SAMD12: variants seen among roughly 807,000 people sequenced by gnomAD.
SAMD12 encodes sterile alpha motif domain containing 12, also known as sterile alpha motif domain-containing protein 12.
A neutral mutation model predicts 15.0 loss-of-function variants in SAMD12; 9 were observed. That is an observed-to-expected ratio of 0.60 (90% CI 0.36 to 1.05). SAMD12 has a LOEUF of 1.05. Among genes scored for constraint, SAMD12 ranks in the 50% least tolerant of loss-of-function variants. The probability of loss-of-function intolerance (pLI) is 0.01; values close to 1 mark genes in which losing one functional copy is unlikely to be tolerated. For missense variants in SAMD12, 230 were observed against 234.2 expected (o/e 0.98, Z 0.12); for synonymous variants, 86 against 90.1 (o/e 0.96, Z 0.25).
chr8:118,468,527 A>G (rs1482901302), intron 2 of SAMD12, among the ~76,000 whole-genome samples: 19 of 152,114 alleles, frequency 1.2e-4, no homozygotes, highest in Non-Finnish European at 4.4e-5. Flanking sequence ...GCAATGTTCT[A>G]TTTTTAATAT....
chr8:118,291,931 G>C (rs1001859904), intron 4 of SAMD12, among the ~76,000 whole-genome samples: 11 of 151,152 alleles, frequency 7.3e-5, no homozygotes, highest in Non-Finnish European at 1.6e-4. Flanking sequence ...GCATGCTCCT[G>C]TTTCACCTGG....
At chr8:118,534,401 G>T (rs1427743869) in intron 2 of SAMD12, among the ~76,000 whole-genome samples, 3 of 152,094 alleles carry the variant, frequency 2.0e-5, no homozygotes, top group African/African-American at 7.2e-5. Flanking sequence ...CAACTTTGGT[G>T]AATCTGACAA....
chr8:118,450,371 G>A (rs1389523401), intron 2 of SAMD12, among the ~76,000 whole-genome samples: 1 of 152,172 alleles, frequency 6.6e-6, no homozygotes, highest in Non-Finnish European at 1.5e-5. Context: ...AATATGGAGG[G>A]AGAGGATCAC....
intron 2 of SAMD12, among the ~76,000 whole-genome samples, chr8:118,487,350 T>G (rs1356503518): frequency 6.6e-6 from 1 of 152,170 alleles, no homozygotes; most frequent in African/African-American, 2.4e-5. Context: ...ACACTAAGTT[T>G]AATGAATAAG....
At chr8:118,297,241 G>A (rs187405704) in intron 4 of SAMD12, among the ~76,000 whole-genome samples, 1 of 152,256 alleles carries the variant, frequency 6.6e-6, no homozygotes, top group Non-Finnish European at 1.5e-5. Flanking sequence ...CTTTTTGACA[G>A]TTGATTTCAT....
At chr8:118,599,965 A>C (rs2131296706) in intron 1 of SAMD12, among the ~76,000 whole-genome samples, 1 of 152,278 alleles carries the variant, frequency 6.6e-6, no homozygotes. Context: ...CTACTCGTAG[A>C]TCTCTCAGGT....
intron 1 of SAMD12, among the ~76,000 whole-genome samples, chr8:118,602,292 T>C (rs1827881782): frequency 6.6e-6 from 1 of 152,252 alleles, no homozygotes; most frequent in African/African-American, 2.4e-5. Context: ...TTGGGCTTTC[T>C]TCTACTTCCT....
intron 2 of SAMD12, among the ~76,000 whole-genome samples, chr8:118,518,939 C>CT (rs1389380722): frequency 6.6e-6 from 1 of 152,086 alleles, no homozygotes; most frequent in Non-Finnish European, 1.5e-5. Context: ...GTATGAGCTC[C>CT]TAAAAGAGAA....
chr8:118,363,303 T>C (rs2130646091), intron 4 of SAMD12, among the ~76,000 whole-genome samples: 1 of 152,180 alleles, frequency 6.6e-6, no homozygotes, highest in South Asian at 2.1e-4. Context: ...TGTGAGGGTG[T>C]TTATGGATGA....
chr8:118,272,191 A>T (rs1250199030), intron 4 of SAMD12, among the ~76,000 whole-genome samples: 1 of 152,172 alleles, frequency 6.6e-6, no homozygotes, highest in African/African-American at 2.4e-5. Flanking sequence ...TTAATTCTTG[A>T]TCTCTGTGTA....
rs559166306 is a variant in SAMD12 at position 118,441,869 on chromosome 8, C to G, written c.193-1908G>C. Among the ~76,000 whole-genome samples the G allele has an allele frequency of 3.3e-5, 5 of 152,256 alleles. No individual in the cohort carries two copies. In the East Asian group the frequency reaches 9.6e-4, roughly 29 times the overall value. ...CTGGCACTGACCTTTGGAAACCAAC[C>G]ACCATGTTGTGAGGAAGCCCAGGTC... On this transcript the variant is annotated intron_variant, in intron 2 of 3. Coordinates refer to ENST00000314727, the MANE Select transcript of SAMD12 (RefSeq NM_207506.3).
intron 4 of SAMD12, among the ~76,000 whole-genome samples, chr8:118,336,445 C>T (rs184539589): frequency 1.3e-5 from 2 of 152,284 alleles, no homozygotes; most frequent in East Asian, 3.9e-4. Context: ...GGGCCTTATG[C>T]TTCAGGAATT....
chr8:118,349,669 T>C (rs1034307511), intron 4 of SAMD12, among the ~76,000 whole-genome samples: 17 of 152,200 alleles, frequency 1.1e-4, no homozygotes, highest in African/African-American at 2.4e-4. Context: ...TAAATGTGCA[T>C]TGAATAAATG....
the SAMD12 span, among the ~76,000 whole-genome samples, chr8:118,163,853 A>G: frequency 6.7e-6 from 1 of 149,602 alleles, no homozygotes; most frequent in Admixed American, 6.8e-5. Context: ...CCAGCCTGGG[A>G]GACAGAGCGA....
the SAMD12 span, among the ~76,000 whole-genome samples, chr8:118,162,721 C>T: frequency 3.3e-5 from 5 of 152,222 alleles, no homozygotes; most frequent in Admixed American, 6.5e-5. Context: ...CTGTGTGGAA[C>T]TTTGAGGAAT....
chr8:118,500,002 T>C (rs1028547773), intron 2 of SAMD12, among the ~76,000 whole-genome samples: 5 of 142,510 alleles, frequency 3.5e-5, no homozygotes, highest in Non-Finnish European at 6.2e-5. Context: ...CAGTGATCTG[T>C]ACGGTCCCCC....
chr8:118,576,106 A>G (rs771505708), intron 2 of SAMD12, among the ~76,000 whole-genome samples: 3 of 152,120 alleles, frequency 2.0e-5, no homozygotes, highest in Non-Finnish European at 4.4e-5. Flanking sequence ...GAGAACTTCA[A>G]TGGTTTCCCA....
At chr8:118,417,010 A>T (rs1388715905) in intron 3 of SAMD12, among the ~76,000 whole-genome samples, 2 of 152,194 alleles carry the variant, frequency 1.3e-5, no homozygotes, top group Non-Finnish European at 2.9e-5. Context: ...GCTAAGTGAA[A>T]CTAGGTTAAT....
intron 2 of SAMD12, among the ~76,000 whole-genome samples, chr8:118,483,168 A>G (rs1285870790): frequency 6.6e-6 from 1 of 152,238 alleles, no homozygotes; most frequent in African/African-American, 2.4e-5. Context: ...TATTTAATAA[A>G]GTAATAATAG....
Sources: allele counts gnomAD v4.1 joint callset (sites outside exome capture counted in the v4.1 genomes callset), GRCh38; gene constraint gnomAD v4.1.1; transcripts MANE v1.5; gene names NCBI Gene and HGNC (gene_info 2026-07-23, HGNC 2026-07-21).